Variants in FABP12 observed in about 807,000 individuals in gnomAD.
FABP12 encodes the protein fatty acid binding protein 12.
Under a neutral mutation model 13.7 loss-of-function variants are expected in FABP12, and 19 were observed. That is an observed-to-expected ratio of 1.39 (90% confidence interval 0.97 to 2.04). The LOEUF (loss-of-function observed/expected upper bound fraction) is 2.04, where lower values mean the gene tolerates loss of function less well. Ranked by LOEUF, FABP12 falls within the 30% of genes most tolerant of loss-of-function variation. The probability of loss-of-function intolerance (pLI) is 0.00; values close to 1 mark genes in which losing one functional copy is unlikely to be tolerated. For missense variants in FABP12, 182 were observed against 164.2 expected (o/e 1.11, Z -0.59); for synonymous variants, 61 against 57.0 (o/e 1.07, Z -0.32).
intron 1 of FABP12, among the ~76,000 whole-genome samples, chr8:81,545,742 G>C (rs1338325374): frequency 6.6e-6 from 1 of 152,134 alleles, no homozygotes. Flanking sequence ...ATTCCAAATA[G>C]TGTTTTAAAA....
At chr8:81,556,695 T>A (rs1809622320) in intron 1 of FABP12, among the ~76,000 whole-genome samples, 1 of 148,828 alleles carries the variant, frequency 6.7e-6, no homozygotes, top group Non-Finnish European at 1.5e-5. Context: ...ACATCACACA[T>A]ATGTGGCTAT....
At chr8:81,549,304 G>A (rs987655419) in intron 1 of FABP12, among the ~76,000 whole-genome samples, 14 of 152,052 alleles carry the variant, frequency 9.2e-5, no homozygotes, top group Admixed American at 3.9e-4. Context: ...CCCTAACAGA[G>A]AAGGAGAAAT....
chr8:81,531,332 T>C, exon 2 of FABP12: 1 of 1,577,196 alleles, frequency 6.3e-7, no homozygotes, highest in Non-Finnish European at 8.6e-7. Flanking sequence ...TGAGATAAGT[T>C]GATCTCAAAG....
intron 1 of FABP12, among the ~76,000 whole-genome samples, chr8:81,570,144 A>C (rs1315337427): frequency 6.6e-6 from 1 of 152,212 alleles, no homozygotes; most frequent in African/African-American, 2.4e-5. Flanking sequence ...AGCTGGCACC[A>C]GGGAATGTGG....
intron 1 of FABP12, among the ~76,000 whole-genome samples, chr8:81,561,947 T>C (rs544839440): frequency 6.6e-6 from 1 of 152,282 alleles, no homozygotes; most frequent in Admixed American, 6.5e-5. Context: ...GCACATGACA[T>C]AGTAAGCTAC....
chr8:81,539,433 C>CTTTTTTTTTTTTT (rs35386904), intron 2 of FABP12, among the ~76,000 whole-genome samples: 7 of 50,016 alleles, frequency 1.4e-4, no homozygotes, highest in Admixed American at 3.3e-4. Context: ...TTCTTTAGTT[C>CTTTTTTTTTTTTT]TTTTTTTTTT....
intron 1 of FABP12, among the ~76,000 whole-genome samples, chr8:81,588,121 G>A (rs1001460242): frequency 6.6e-6 from 1 of 152,132 alleles, no homozygotes; most frequent in Non-Finnish European, 1.5e-5. Flanking sequence ...GGGTGTGTCT[G>A]CCTCTCCCAG....
intron 2 of FABP12, among the ~76,000 whole-genome samples, chr8:81,539,192 G>A (rs1809288480): frequency 6.6e-6 from 1 of 151,978 alleles, no homozygotes; most frequent in African/African-American, 2.4e-5. Context: ...TATGTAAAAT[G>A]CCATTTAAAC....
chr8:81,535,843 GC>G, upstream of FABP12, among the ~76,000 whole-genome samples: 2 of 152,150 alleles, frequency 1.3e-5, no homozygotes, highest in Non-Finnish European at 2.9e-5. Context: ...TGGAATCTGA[GC>G]AAAAGATCAT....
intron 1 of FABP12, among the ~76,000 whole-genome samples, chr8:81,586,164 G>T (rs1810234919): frequency 6.6e-6 from 1 of 151,508 alleles, no homozygotes; most frequent in Admixed American, 6.6e-5. Context: ...TTGCTGCAAA[G>T]GACATGATCC....
intron 1 of FABP12, among the ~76,000 whole-genome samples, chr8:81,586,610 T>A (rs151142252): frequency 2.5e-3 from 379 of 152,344 alleles, no homozygotes; most frequent in African/African-American, 8.2e-3. Flanking sequence ...TGAGCATTTA[T>A]TCCTGTCCTT....
intron 1 of FABP12, among the ~76,000 whole-genome samples, chr8:81,567,741 T>C (rs961300693): frequency 9.9e-5 from 15 of 152,184 alleles, no homozygotes; most frequent in African/African-American, 3.6e-4. Context: ...TTCAGGACAC[T>C]GGACTGAGCA....
At chr8:81,580,613 C>T (rs1482934805) in intron 1 of FABP12, among the ~76,000 whole-genome samples, 1 of 152,068 alleles carries the variant, frequency 6.6e-6, no homozygotes, top group African/African-American at 2.4e-5. Flanking sequence ...TGTTTTAAGA[C>T]ACATTCTATG....
chr8:81,525,120 C>A lies in FABP12; in HGVS notation c.349G>T (p.Glu117Ter). 1 of 1,569,976 alleles carries A rather than the reference C, an allele frequency of 6.4e-7. No individual in the cohort carries two copies. The highest frequency in any genetic ancestry group is 8.7e-7 in the Non-Finnish European group (1 of 1,151,418). The change falls in exon 5 of 5, where the codon GAA (glutamate) becomes TAA (stop). Residue 117 changes from glutamate (E) to a stop codon, truncating the protein, a stop_gained and splice_region_variant. Transcript: ENST00000360464. LOFTEE classifies it low-confidence loss of function (END_TRUNC). The stretch of plus-strand genomic sequence containing the variant: ...CAGATAACACTGTTCACAGTACTTT[C>A]CTACAAGACAAAAGAAATATGAGGT...
chr8:81,559,691 T>A (rs982898351), intron 1 of FABP12, among the ~76,000 whole-genome samples: 7 of 152,204 alleles, frequency 4.6e-5, no homozygotes, highest in African/African-American at 1.7e-4. Flanking sequence ...TTGCAGAAAT[T>A]TCAGTGTCTG....
chr8:81,580,056 A>G (rs1810131553), intron 1 of FABP12, among the ~76,000 whole-genome samples: 1 of 152,208 alleles, frequency 6.6e-6, no homozygotes, highest in Non-Finnish European at 1.5e-5. Context: ...GTAAGAGAAA[A>G]GCGTGACAAT....
At chr8:81,571,173 A>T (rs995975881) in intron 1 of FABP12, among the ~76,000 whole-genome samples, 1 of 152,206 alleles carries the variant, frequency 6.6e-6, no homozygotes, top group Non-Finnish European at 1.5e-5. Flanking sequence ...GCTCGGCCTC[A>T]ACCCAGCTCT....
At chr8:81,534,318 G>A (rs781406443), upstream of FABP12, among the ~76,000 whole-genome samples, 10 of 152,156 alleles carry the variant, frequency 6.6e-5, no homozygotes, top group Non-Finnish European at 1.5e-4. Flanking sequence ...TATATGGGCT[G>A]CAGCACATGC....
chr8:81,587,523 A>C (rs1481806493), intron 1 of FABP12, among the ~76,000 whole-genome samples: 3 of 152,060 alleles, frequency 2.0e-5, no homozygotes, highest in Non-Finnish European at 2.9e-5. Flanking sequence ...GGTTAGCTGT[A>C]TTTATAGATA....
Sources: allele counts gnomAD v4.1 joint callset (sites outside exome capture counted in the v4.1 genomes callset), GRCh38; gene constraint gnomAD v4.1.1; transcripts MANE v1.5; gene names NCBI Gene and HGNC (gene_info 2026-07-23, HGNC 2026-07-21).